Variants in COL22A1 observed in about 807,000 individuals in gnomAD.
COL22A1 encodes collagen type XXII alpha 1 chain, also known as collagen alpha-1(XXII) chain.
In COL22A1, 221 loss-of-function variants were observed where a neutral mutation model predicts 248.9. The ratio of observed to expected loss-of-function variants is 0.89; its 90% CI spans 0.80 to 0.99. The LOEUF (loss-of-function observed/expected upper bound fraction) is 0.99, where lower values mean the gene tolerates loss of function less well. Among genes scored for constraint, COL22A1 ranks in the 50% least tolerant of loss-of-function variants. The probability of loss-of-function intolerance (pLI) is 0.00; values close to 1 mark genes in which losing one functional copy is unlikely to be tolerated. For missense variants in COL22A1, 2,240 were observed against 2,179.0 expected, an observed-to-expected ratio of 1.03 and a Z score of -0.56; for synonymous variants, 891 against 793.4, an observed-to-expected ratio of 1.12 and a Z score of -2.07.
chr8:138,716,954 A>T (rs1829485891), intron 27 of COL22A1, 85 bp from the exon 28 acceptor site: 1 of 995,312 alleles, frequency 1.0e-6, no homozygotes, highest in Non-Finnish European at 1.6e-6. Flanking sequence ...TCACACATTC[A>T]TAGCACCTGC....
chr8:138,865,923 A>G (rs10101291), intron 3 of COL22A1, among the ~76,000 whole-genome samples: 20,905 of 119,436 alleles, frequency 0.18, 1,969 homozygotes, highest in African/African-American at 0.36. Context: ...ATGTGAGTGT[A>G]TATGTGTGTG....
At position 138,778,069 on chromosome 8, in the gene COL22A1, C is replaced by T. The variant is rs1000517225; in HGVS notation, c.1758+284G>A. 7 of 503,098 alleles carry T rather than the reference C, an allele frequency of 1.4e-5. No individual in the cohort carries two copies. The East Asian group carries it at 1.5e-4, about 11-fold the overall frequency. The allele number at this position is 503,098 out of a possible 1,614,324, so 31.2% of individuals were successfully genotyped here. ...ATTCTTTAGATCAAGTGTCAAAAATCCTGTGGTGCTGGTTAAAAATGCAGA... is the reference window on the plus strand; with the variant it reads ...ATTCTTTAGATCAAGTGTCAAAAATTCTGTGGTGCTGGTTAAAAATGCAGA... On this transcript the variant is annotated intron_variant, in intron 15 of 64. Coordinates refer to ENST00000303045, the MANE Select transcript of COL22A1 (RefSeq NM_152888.3).
At chr8:138,693,051 G>A (rs758321259) in intron 35 of COL22A1, among the ~76,000 whole-genome samples, 10 of 152,080 alleles carry the variant, frequency 6.6e-5, no homozygotes, top group Admixed American at 3.3e-4. Context: ...CCTGCCTTCC[G>A]CCAGCTCCAC....
In COL22A1 at chr8:138,804,556, C is replaced by A. The variant is rs182709532; in HGVS notation, c.1495-1622G>T. 3.9e-5 allele frequency among the ~76,000 whole-genome samples: 6 copies of A among 152,324 alleles called. No homozygotes were observed. In the East Asian group the frequency reaches 1.2e-3, roughly 29 times the overall value. On this transcript the variant is annotated intron_variant, in intron 10 of 64. Transcript: ENST00000303045. The stretch of plus-strand genomic sequence containing the variant: ...CTTTCCTCCCGTCACAGCCGAGAAT[C>A]GAGGTGACTTCTCAGAGGAGCTCGG...
intron 12 of COL22A1, among the ~76,000 whole-genome samples, chr8:138,793,606 G>A (rs183126510): frequency 4.5e-4 from 69 of 152,320 alleles, no homozygotes; most frequent in African/African-American, 1.4e-3. Context: ...AAGTGCCAGC[G>A]TCCATTCAGC....
rs112392671 is a variant in COL22A1, at chr8:138,691,458, C to T, written c.2755-584G>A. Among the ~76,000 whole-genome samples the T allele has an allele frequency of 5.0e-3, 547 of 109,370 alleles. 4 individuals are homozygous for T. Among genetic ancestry groups the T allele is most frequent in the African/African-American group, 0.018 (521 of 28,486 alleles). 71.8% of individuals were successfully genotyped at this position (109,370 alleles called of 152,430 possible). Reference sequence around the variant, plus strand: ...TTGTGAAGGTGTGTGTATGTGTGTACGTCCGTGTGTGCATGTTTGTGGAGG... The same window carrying T: ...TTGTGAAGGTGTGTGTATGTGTGTATGTCCGTGTGTGCATGTTTGTGGAGG... On this transcript the variant is annotated intron_variant, in intron 35 of 64. Coordinates refer to ENST00000303045, the MANE Select transcript of COL22A1 (RefSeq NM_152888.3).
At chr8:138,859,736 C>T (rs772753854) in intron 3 of COL22A1, among the ~76,000 whole-genome samples, 4 of 152,176 alleles carry the variant, frequency 2.6e-5, no homozygotes, top group Non-Finnish European at 5.9e-5. Context: ...ACTGAGGTCA[C>T]CTCTGAGGAT....
intron 20 of COL22A1, 23 bp from the exon 21 acceptor site, chr8:138,755,233 T>C (rs775331882): frequency 1.2e-6 from 2 of 1,611,940 alleles, no homozygotes; most frequent in South Asian, 1.1e-5. Context: ...GCCAAACAGA[T>C]GTTTAGTCAT....
chr8:138,779,748 C>T (rs7833443), intron 13 of COL22A1, among the ~76,000 whole-genome samples, 186 bp from the exon 14 acceptor site: 186 of 152,290 alleles, frequency 1.2e-3, no homozygotes, highest in African/African-American at 3.8e-3. Flanking sequence ...AAGAAGCGGA[C>T]CTTTGCTGCA....
intron 22 of COL22A1, among the ~76,000 whole-genome samples, chr8:138,746,052 G>A (rs944835507): frequency 2.0e-5 from 3 of 152,256 alleles, no homozygotes; most frequent in Admixed American, 6.5e-5. Flanking sequence ...CGGGGATGGC[G>A]TGGAGCGTGC....
At chr8:138,841,039 C>T (rs1820844572) in intron 4 of COL22A1, among the ~76,000 whole-genome samples, 1 of 152,128 alleles carries the variant, frequency 6.6e-6, no homozygotes, top group Admixed American at 6.6e-5. Context: ...GTCTGCCTTC[C>T]TTCCTTCCAT....
intron 52 of COL22A1, among the ~76,000 whole-genome samples, chr8:138,622,628 T>C (rs1468891772): frequency 6.6e-6 from 1 of 152,186 alleles, no homozygotes; most frequent in East Asian, 1.9e-4. Flanking sequence ...ACTACTTTTA[T>C]GCGGGTTTTA....
intron 2 of COL22A1, among the ~76,000 whole-genome samples, chr8:138,882,048 A>T (rs1268311849): frequency 6.6e-6 from 1 of 152,116 alleles, no homozygotes; most frequent in Non-Finnish European, 1.5e-5. Context: ...GCCTTTGCTA[A>T]GTGGGCTCCA....
chr8:138,743,432 A>ATG (rs2131299350), intron 22 of COL22A1, among the ~76,000 whole-genome samples: 1 of 111,820 alleles, frequency 8.9e-6, no homozygotes, highest in Non-Finnish European at 1.9e-5. Flanking sequence ...GGTAGTGATC[A>ATG]TGATGGTGAT....
intron 4 of COL22A1, among the ~76,000 whole-genome samples, chr8:138,838,303 A>T (rs1177402567): frequency 6.6e-6 from 1 of 152,114 alleles, no homozygotes; most frequent in Non-Finnish European, 1.5e-5. Flanking sequence ...GGAGGCTCAC[A>T]GGTGGCCTCA....
At chr8:138,865,863 ATGTT>A (rs1250814968) in intron 3 of COL22A1, among the ~76,000 whole-genome samples, 2 of 142,182 alleles carry the variant, frequency 1.4e-5, no homozygotes, top group Non-Finnish European at 3.1e-5. Context: ...ACGTGTGTGT[ATGTT>A]TGTATGCCTG....
At chr8:138,743,898 A>G (rs1377893982) in intron 22 of COL22A1, among the ~76,000 whole-genome samples, 1 of 152,206 alleles carries the variant, frequency 6.6e-6, no homozygotes, top group Non-Finnish European at 1.5e-5. Context: ...AGCCAGGATG[A>G]GTTAACAGAG....
intron 3 of COL22A1, among the ~76,000 whole-genome samples, chr8:138,856,490 G>A (rs746245865): frequency 6.6e-6 from 1 of 151,998 alleles, no homozygotes; most frequent in South Asian, 2.1e-4. Flanking sequence ...GACAGAGAGA[G>A]CGAGAGAGAC....
At chr8:138,715,299 T>C (rs909207711) in intron 30 of COL22A1, among the ~76,000 whole-genome samples, 10 of 152,202 alleles carry the variant, frequency 6.6e-5, no homozygotes, top group Admixed American at 5.9e-4. Flanking sequence ...GTCTCATGCC[T>C]GTAATCCCAG....
Sources: allele counts gnomAD v4.1 joint callset (sites outside exome capture counted in the v4.1 genomes callset), GRCh38; gene constraint gnomAD v4.1.1; transcripts MANE v1.5; gene names NCBI Gene and HGNC (gene_info 2026-07-23, HGNC 2026-07-21).